Variants in MAP4K1 observed in about 807,000 individuals in gnomAD.
MAP4K1 encodes MAPK/ERK kinase kinase kinase 1.
In MAP4K1, 35 loss-of-function variants were observed where a neutral mutation model predicts 122.8. The observed-to-expected ratio is 0.29, with a 90% confidence interval of 0.22 to 0.38. The LOEUF is 0.38. Among genes scored for constraint, MAP4K1 ranks in the 10% least tolerant of loss-of-function variants. The pLI, the probability that MAP4K1 is intolerant of heterozygous loss-of-function variation, is 1.00. For synonymous variants in MAP4K1, 412 were observed against 421.3 expected (o/e 0.98, Z 0.27); for missense variants, 791 against 1,072.6 (o/e 0.74, Z 3.67).
intron 30 of MAP4K1, among the ~76,000 whole-genome samples, 158 bp from the exon 31 acceptor site, chr19:38,587,975 GAGA>G (rs1201181423): frequency 6.6e-6 from 1 of 152,170 alleles, no homozygotes; most frequent in Non-Finnish European, 1.5e-5. Flanking sequence ...TTGCATTCTA[GAGA>G]AGGAGATCAA....
chr19:38,615,306 TCTC>T (rs754252783), intron 4 of MAP4K1, among the ~76,000 whole-genome samples: 21 of 151,210 alleles, frequency 1.4e-4, no homozygotes, highest in Non-Finnish European at 2.2e-4. Context: ...AGTCTGGGCT[TCTC>T]CTCCGAGAGA....
chr19:38,590,984 C>G (rs2145929384), intron 30 of MAP4K1, among the ~76,000 whole-genome samples: 1 of 151,888 alleles, frequency 6.6e-6, no homozygotes, highest in Non-Finnish European at 1.5e-5. Flanking sequence ...CACACACACA[C>G]ACACACACAC....
intron 30 of MAP4K1, among the ~76,000 whole-genome samples, chr19:38,591,887 C>T (rs367789903): frequency 4.0e-5 from 6 of 150,910 alleles, no homozygotes; most frequent in South Asian, 4.2e-4. Context: ...AGGAGAATCG[C>T]GTGAACCCAG....
At chr19:38,596,206 C>T (rs1002980174) in intron 26 of MAP4K1, 106 bp downstream of exon 26, 2 of 1,425,798 alleles carry the variant, frequency 1.4e-6, no homozygotes, top group Non-Finnish European at 1.9e-6. Flanking sequence ...GCCCTTCCAG[C>T]CCTTTCTCAG....
intron 16 of MAP4K1, among the ~76,000 whole-genome samples, chr19:38,607,479 G>T (rs958221691): frequency 1.4e-5 from 2 of 147,810 alleles, no homozygotes; most frequent in African/African-American, 5.0e-5. Flanking sequence ...AGAATCGCTT[G>T]AACCCGGGGA....
chr19:38,596,177 C>T, intron 26 of MAP4K1, 135 bp downstream of exon 26: 1 of 1,344,618 alleles, frequency 7.4e-7, no homozygotes, highest in Non-Finnish European at 1.0e-6. Flanking sequence ...TAACTAAAAC[C>T]TGCCATTCTC....
At chr19:38,614,515 C>G in intron 4 of MAP4K1, 70 bp from the exon 5 acceptor site, 1 of 1,544,754 alleles carries the variant, frequency 6.5e-7, no homozygotes, top group Non-Finnish European at 8.9e-7. Context: ...GGAGTCCTGC[C>G]CCCCCACACC....
chr19:38,594,180 G>T lies in MAP4K1; in HGVS notation c.2341-843C>A, dbSNP rs74832630. Among the ~76,000 whole-genome samples, 1,400 of 152,122 alleles carry T rather than the reference G, an allele frequency of 9.2e-3. 18 individuals carry two copies. Among genetic ancestry groups the T allele is most frequent in the African/African-American group, 0.032 (1,325 of 41,490 alleles). ...CAGTAGTGGCCCAGGATGAGATTGG[G>T]ACTCAAGAAATCCAAGAGCAGCCAG... On this transcript the variant is annotated intron_variant, in intron 29 of 30. Coordinates refer to ENST00000396857, the MANE Select transcript of MAP4K1 (RefSeq NM_001042600.3).
At position 38,617,859 on chromosome 19, in the gene MAP4K1, G is replaced by C. The variant is rs1466997448; in HGVS notation, c.37C>G (p.Pro13Ala). The C allele has an allele frequency of 6.2e-7, 1 of 1,614,156 alleles. No homozygotes were observed. Among genetic ancestry groups the C allele is most frequent in the Non-Finnish European group, 8.5e-7 (1 of 1,180,008 alleles). ...VVDPDIFNRD[P>A]RDHYDLLQRL... ...TGTAGCAGGTCATAGTGGTCCCGGG[G>C]GTCTCTATTGAAAATGTCAGGGTCC... The change falls in exon 1 of 31, where the codon CCC becomes GCC. Residue 13 changes from proline (P) to alanine (A), a missense_variant. By Grantham distance (27) the Pro-to-Ala change is conservative. This residue lies in a region of MAP4K1 where 163 missense variants were observed against 286.1 expected (regional missense o/e 0.57). Coordinates refer to ENST00000396857, the MANE Select transcript of MAP4K1 (RefSeq NM_001042600.3). The surrounding 1 kb of genome is among the most constrained non-coding windows in gnomAD (Gnocchi z 4.1).
In MAP4K1 at chr19:38,591,358, A is replaced by C. The variant is rs557969752; in HGVS notation, c.2396+1924T>G. 1.3e-4 allele frequency among the ~76,000 whole-genome samples: 19 copies of C among 151,580 alleles called. No individual in the cohort carries two copies. The South Asian group carries it at 3.6e-3, about 28-fold the overall frequency. ...AGCCTAACCACCATGATGAAAGCCC[A>C]CATCTACTAAAAAAACAAAAAAATT... On this transcript the variant is annotated intron_variant, in intron 30 of 30. Coordinates refer to ENST00000396857, the MANE Select transcript of MAP4K1 (RefSeq NM_001042600.3).
At chr19:38,591,177 C>T (rs1364239522) in intron 30 of MAP4K1, among the ~76,000 whole-genome samples, 1 of 145,754 alleles carries the variant, frequency 6.9e-6, no homozygotes, top group Non-Finnish European at 1.5e-5. Context: ...GCAACAAGAG[C>T]GAAACTCTGT....
Position 38,605,615 on chromosome 19 carries a change from G to A in MAP4K1, c.1316C>T (p.Pro439Leu), listed in dbSNP as rs774061852. ...GCTGCTGGTGGATGGGGGAGGCCCAGGACGGGGGCTGTTTGGTGGGGGCCC... is the reference window on the plus strand; with the variant it reads ...GCTGCTGGTGGATGGGGGAGGCCCAAGACGGGGGCTGTTTGGTGGGGGCCC... ...ASGPPPNSPR[P>L]GPPPSTSSPH... The change falls in exon 18 of 31, where the codon CCT (proline) becomes CTT (leucine). Residue 439 changes from proline to leucine, a missense_variant. Physicochemically the swap from Pro to Leu is moderately conservative, Grantham distance 98 (BLOSUM62 -3). This residue lies in a region of MAP4K1 where 303 missense variants were observed against 344.8 expected (regional missense o/e 0.88). Transcript: ENST00000396857. 1 of 1,572,850 alleles carries A rather than the reference G, an allele frequency of 6.4e-7. No homozygotes were observed. Among genetic ancestry groups the A allele is most frequent in the Non-Finnish European group, 8.6e-7 (1 of 1,160,598 alleles).
chr19:38,596,361 G>C lies in MAP4K1; in HGVS notation c.2067C>G (p.His689Gln). The C allele has an allele frequency of 1.2e-6, 2 of 1,603,032 alleles. No homozygotes were observed. Among genetic ancestry groups the C allele is most frequent in the Non-Finnish European group, 1.7e-6 (2 of 1,176,870 alleles). Residue 689 changes from histidine (H) to glutamine (Q), a missense_variant, in exon 26 of 31, where the codon CAC becomes CAG. This residue lies in a region of MAP4K1 where 267 missense variants were observed against 323.0 expected (regional missense o/e 0.83). Coordinates refer to ENST00000396857, the MANE Select transcript of MAP4K1 (RefSeq NM_001042600.3). The stretch of plus-strand genomic sequence containing the variant: ...AAGAGAGCGCGCCAAAGCGCACCGT[G>C]TGGAAGAGCACCGACTTCCCCGGCC... ...PGRPGKSVLF[H>Q]TVRFGALSCW...
chr19:38,606,315 G>A, intron 16 of MAP4K1, 100 bp from the exon 17 acceptor site: 1 of 622,818 alleles, frequency 1.6e-6, no homozygotes, highest in Non-Finnish European at 2.9e-6. Context: ...TGGGGTCTGA[G>A]GTGAGGAGGA....
chr19:38,599,187 G>GT (rs1491080612), intron 22 of MAP4K1, among the ~76,000 whole-genome samples: 75 of 138,596 alleles, frequency 5.4e-4, no homozygotes, highest in Non-Finnish European at 8.5e-4. Flanking sequence ...AATAAAAAAA[G>GT]TAAAAAAAAA....
chr19:38,613,049 T>C (rs958057447), intron 8 of MAP4K1, among the ~76,000 whole-genome samples: 1 of 151,842 alleles, frequency 6.6e-6, no homozygotes, highest in Non-Finnish European at 1.5e-5. Flanking sequence ...GGCTTTTGCC[T>C]GTAATTCCAG....
chr19:38,608,604 T>C (rs1057261485), intron 13 of MAP4K1, among the ~76,000 whole-genome samples: 1 of 151,842 alleles, frequency 6.6e-6, no homozygotes, highest in Non-Finnish European at 1.5e-5. Context: ...ATGATCAGCC[T>C]GGTCAACATG....
chr19:38,606,700 T>A (rs940840385), intron 16 of MAP4K1, among the ~76,000 whole-genome samples: 2 of 151,988 alleles, frequency 1.3e-5, no homozygotes, highest in Non-Finnish European at 2.9e-5. Context: ...TACAAAAAAA[T>A]GATTAGCCTG....
chr19:38,609,887 T>C, intron 12 of MAP4K1, 22 bp downstream of exon 12: 1 of 1,598,342 alleles, frequency 6.3e-7, no homozygotes, highest in East Asian at 2.2e-5. Flanking sequence ...TCCCCAGTGC[T>C]CTTGTCAGCC....
Sources: gnomAD v4.1 joint callset for allele counts (sites outside exome capture counted in the v4.1 genomes callset) on GRCh38, gnomAD v4.1.1 for gene constraint, gnomAD v4.1.1 regional missense constraint, Gnocchi (gnomAD v3.1) non-coding constraint, MANE v1.5 for transcripts, NCBI Gene and HGNC (gene_info 2026-07-23, HGNC 2026-07-21) for gene names.